DPP10: variants seen among roughly 807,000 people sequenced by gnomAD.
DPP10 encodes inactive dipeptidyl peptidase 10.
In DPP10, 33 loss-of-function variants were observed where a neutral mutation model predicts 120.9. The ratio of observed to expected loss-of-function variants is 0.27; its 90% confidence interval spans 0.21 to 0.37. The LOEUF is 0.37. Among genes scored for constraint, DPP10 ranks in the 10% least tolerant of loss-of-function variants. DPP10 has a pLI of 1.00. For missense variants in DPP10, 816 were observed against 942.8 expected (o/e 0.87, Z 1.76); for synonymous variants, 337 against 326.1 (o/e 1.03, Z -0.36).
At chr2:114,663,259 T>TATATATATATA (rs1558980076) in intron 1 of DPP10, among the ~76,000 whole-genome samples, 1 of 147,778 alleles carries the variant, frequency 6.8e-6, no homozygotes, top group Admixed American at 7.0e-5. Context: ...TATATATATA[T>TATATATATATA]CTATATATAT....
At chr2:115,749,862 G>A (rs1337531387) in intron 10 of DPP10, 5 of 328,936 alleles carry the variant, frequency 1.5e-5, no homozygotes, top group Non-Finnish European at 1.7e-5. Flanking sequence ...CTGTCTGCAG[G>A]TGATGCTGGG....
At chr2:114,949,220 GC>G (rs1697593317) in intron 1 of DPP10, among the ~76,000 whole-genome samples, 1 of 152,000 alleles carries the variant, frequency 6.6e-6, no homozygotes, top group Non-Finnish European at 1.5e-5. Context: ...ACCGCGCCTG[GC>G]CCAGTAAGAC....
chr2:114,528,921 T>C (rs1343472583), intron 1 of DPP10, among the ~76,000 whole-genome samples: 1 of 152,044 alleles, frequency 6.6e-6, no homozygotes, highest in Non-Finnish European at 1.5e-5. Flanking sequence ...ACTAACCACT[T>C]GGGCTTGTCA....
intron 1 of DPP10, among the ~76,000 whole-genome samples, chr2:115,032,859 T>A (rs1211780913): frequency 1.4e-5 from 2 of 143,480 alleles, no homozygotes; most frequent in African/African-American, 5.2e-5. Context: ...TACTCCAGCC[T>A]GGGAGACAGA....
chr2:115,440,733 C>CA (rs1450843871), intron 3 of DPP10: 4 of 148,206 alleles, frequency 2.7e-5, no homozygotes, highest in Non-Finnish European at 6.0e-5. Flanking sequence ...ATTTAAAAGA[C>CA]AAATGGTTAC....
At chr2:114,452,365 G>T (rs1422253855) in intron 1 of DPP10, among the ~76,000 whole-genome samples, 1 of 152,064 alleles carries the variant, frequency 6.6e-6, no homozygotes, top group South Asian at 2.1e-4. Flanking sequence ...AGTGGTCGGG[G>T]GTGATCTCTC....
At chr2:114,940,375 A>G (rs1415405010) in intron 1 of DPP10, among the ~76,000 whole-genome samples, 3 of 152,122 alleles carry the variant, frequency 2.0e-5, no homozygotes, top group Non-Finnish European at 4.4e-5. Context: ...ATGTTTTATT[A>G]TAAGAGCAAA....
intron 1 of DPP10, among the ~76,000 whole-genome samples, chr2:115,108,949 T>G (rs905979877): frequency 6.6e-6 from 1 of 152,132 alleles, no homozygotes; most frequent in African/African-American, 2.4e-5. Flanking sequence ...CCCTGCTGTA[T>G]CAGATGTGGC....
intron 8 of DPP10, among the ~76,000 whole-genome samples, chr2:115,736,841 T>C (rs1280560889): frequency 2.0e-5 from 3 of 152,130 alleles, no homozygotes; most frequent in Non-Finnish European, 2.9e-5. Flanking sequence ...TTTTTCCCCT[T>C]TCTAGTAAGT....
At chr2:115,154,535 T>A (rs1272485543) in intron 1 of DPP10, among the ~76,000 whole-genome samples, 1 of 152,096 alleles carries the variant, frequency 6.6e-6, no homozygotes, top group Non-Finnish European at 1.5e-5. Context: ...TAGAGAAAAG[T>A]AAAATATTCT....
intron 5 of DPP10, among the ~76,000 whole-genome samples, chr2:115,573,802 G>T (rs961127317): frequency 6.6e-6 from 1 of 151,962 alleles, no homozygotes; most frequent in Non-Finnish European, 1.5e-5. Context: ...TGATCTGCCC[G>T]CCTTGACCTC....
At chr2:114,688,588 A>G (rs1046488550) in intron 1 of DPP10, among the ~76,000 whole-genome samples, 1 of 152,104 alleles carries the variant, frequency 6.6e-6, no homozygotes, top group East Asian at 2.0e-4. Flanking sequence ...CTGGATTAGC[A>G]TGGAAAACTG....
chr2:114,968,048 C>A (rs1235570411), intron 1 of DPP10, among the ~76,000 whole-genome samples: 2 of 152,170 alleles, frequency 1.3e-5, no homozygotes, highest in Non-Finnish European at 2.9e-5. Flanking sequence ...CATACAGCCA[C>A]CCAAGGGATT....
chr2:115,801,244 A>G (rs1575817831), intron 19 of DPP10, among the ~76,000 whole-genome samples: 1 of 152,088 alleles, frequency 6.6e-6, no homozygotes, highest in South Asian at 2.1e-4. Context: ...TTTGTCTGTT[A>G]TTGGTGTATA....
Position 115,526,704 on chromosome 2 carries a change from G to A in DPP10, c.441+732G>A, listed in dbSNP as rs141413929. On this transcript the variant is annotated intron_variant, in intron 5 of 25. Transcript: ENST00000410059. ...CAAGGACGTTTATGAGCTTTAAGAC[G>A]AACAATAAAAATTTATGAACTTAAG... 3.5e-3 allele frequency among the ~76,000 whole-genome samples: 536 copies of A among 152,126 alleles called. 2 individuals carry two copies. Among genetic ancestry groups the A allele is most frequent in the African/African-American group, 0.012 (494 of 41,542 alleles).
At chr2:115,485,818 T>C (rs1460250422) in intron 3 of DPP10, among the ~76,000 whole-genome samples, 1 of 152,176 alleles carries the variant, frequency 6.6e-6, no homozygotes, top group African/African-American at 2.4e-5. Flanking sequence ...GTTCCTTTTG[T>C]CTACATTTTA....
At chr2:115,328,960 C>A (rs914747116) in intron 2 of DPP10, among the ~76,000 whole-genome samples, 21 of 152,154 alleles carry the variant, frequency 1.4e-4, no homozygotes, top group Middle Eastern at 6.8e-3. Flanking sequence ...ATTGCCCATC[C>A]CCTTTTGAGA....
chr2:115,266,441 C>A (rs1436097854), intron 1 of DPP10, among the ~76,000 whole-genome samples: 2 of 152,008 alleles, frequency 1.3e-5, no homozygotes, highest in African/African-American at 4.8e-5. Context: ...GGCTTGTTAG[C>A]AATTTAGTAG....
intron 5 of DPP10, among the ~76,000 whole-genome samples, chr2:115,544,437 A>G (rs1175066268): frequency 6.6e-6 from 1 of 152,054 alleles, no homozygotes; most frequent in Non-Finnish European, 1.5e-5. Flanking sequence ...TTCACATCTT[A>G]CAAAATTAAG....
Sources: gnomAD v4.1 joint callset for allele counts (sites outside exome capture counted in the v4.1 genomes callset) on GRCh38, gnomAD v4.1.1 for gene constraint, MANE v1.5 for transcripts, NCBI Gene and HGNC (gene_info 2026-07-23, HGNC 2026-07-21) for gene names.